The following CDK17 variants were observed in gnomAD, a reference collection of about 807,000 sequenced individuals.
CDK17 encodes the protein cyclin dependent kinase 17.
Under a neutral mutation model 77.6 loss-of-function variants are expected in CDK17, and 24 were observed. That is an observed-to-expected ratio of 0.31 (90% CI 0.22 to 0.44). CDK17 has a LOEUF of 0.44. Ranked by LOEUF, CDK17 falls within the 20% of genes least tolerant of loss-of-function variation. CDK17 has a pLI of 1.00. For synonymous variants in CDK17, 203 were observed against 210.4 expected, an observed-to-expected ratio of 0.96 and a Z score of 0.30; for missense variants, 429 against 622.5, an observed-to-expected ratio of 0.69 and a Z score of 3.31.
intron 1 of CDK17, among the ~76,000 whole-genome samples, chr12:96,373,517 C>G (rs1286593689): frequency 6.6e-6 from 1 of 152,016 alleles, no homozygotes; most frequent in East Asian, 1.9e-4. Context: ...TCACTTTGAA[C>G]CTGGGAGGCA....
At chr12:96,349,535 CAAAA>C (rs34417608) in intron 1 of CDK17, among the ~76,000 whole-genome samples, 8 of 106,078 alleles carry the variant, frequency 7.5e-5, no homozygotes, top group Admixed American at 9.1e-5. Flanking sequence ...ATTGATTTAG[CAAAA>C]AAAAAAAAAA....
intron 1 of CDK17, among the ~76,000 whole-genome samples, chr12:96,346,621 T>C (rs1051825790): frequency 2.3e-5 from 3 of 130,698 alleles, no homozygotes; most frequent in Non-Finnish European, 4.9e-5. Context: ...AGAGCAAAAC[T>C]CCACTAAAAA....
chr12:96,346,886 G>A (rs1462000485), intron 1 of CDK17, among the ~76,000 whole-genome samples: 2 of 151,818 alleles, frequency 1.3e-5, no homozygotes, highest in East Asian at 3.9e-4. Flanking sequence ...CCGCACTCCA[G>A]CCTGGTGAGG....
chr12:96,392,176 A>G (rs979795296), intron 1 of CDK17, among the ~76,000 whole-genome samples: 9 of 152,372 alleles, frequency 5.9e-5, no homozygotes, highest in Admixed American at 3.9e-4. Context: ...CAGAACCACC[A>G]TAACTGTCAG....
In CDK17 at chr12:96,308,027, A is replaced by G. The variant is rs375102292; in HGVS notation, c.543+3025T>C. Among the ~76,000 whole-genome samples the G allele has an allele frequency of 1.6e-4, 24 of 152,274 alleles. No individual in the cohort carries two copies. In the South Asian group the frequency reaches 3.9e-3, roughly 25 times the overall value. ...ACAATGTGCTCATGGTATATACAGC[A>G]TAAAGTGATTTTATTTTTTAGAGTA... is the stretch of plus-strand genomic sequence containing the variant. On this transcript the variant is annotated intron_variant, in intron 5 of 16. Coordinates refer to ENST00000261211, the MANE Select transcript of CDK17 (RefSeq NM_002595.5).
chr12:96,399,751 C>A (rs1954228603), intron 1 of CDK17, among the ~76,000 whole-genome samples: 2 of 152,134 alleles, frequency 1.3e-5, no homozygotes, highest in South Asian at 4.1e-4. Flanking sequence ...GACACTCACA[C>A]CCCACCCGAG....
At chr12:96,324,541 C>T (rs1303583461) in intron 2 of CDK17, among the ~76,000 whole-genome samples, 2 of 152,004 alleles carry the variant, frequency 1.3e-5, no homozygotes, top group Non-Finnish European at 2.9e-5. Context: ...CCGAGGCAGG[C>T]GGATCACCTG....
intron 2 of CDK17, among the ~76,000 whole-genome samples, chr12:96,326,743 C>T (rs752405955): frequency 6.6e-6 from 1 of 152,152 alleles, no homozygotes; most frequent in Non-Finnish European, 1.5e-5. Flanking sequence ...CCAGGGATCA[C>T]ACTTTGAGAA....
chr12:96,342,044 A>T (rs948942767), intron 1 of CDK17, among the ~76,000 whole-genome samples: 2 of 152,226 alleles, frequency 1.3e-5, no homozygotes, highest in African/African-American at 4.8e-5. Flanking sequence ...CACGTAGAAC[A>T]AATCAAGTAT....
At chr12:96,378,393 G>A (rs1953822558) in intron 1 of CDK17, among the ~76,000 whole-genome samples, 1 of 152,108 alleles carries the variant, frequency 6.6e-6, no homozygotes, top group Non-Finnish European at 1.5e-5. Flanking sequence ...ACTCATTCGT[G>A]TTTTTGTTTG....
chr12:96,361,411 T>C (rs1229873645), intron 1 of CDK17, among the ~76,000 whole-genome samples: 1 of 152,178 alleles, frequency 6.6e-6, no homozygotes, highest in Non-Finnish European at 1.5e-5. Context: ...AACAGGAAAC[T>C]AGTTACAAAA....
intron 1 of CDK17, among the ~76,000 whole-genome samples, chr12:96,396,732 ATAAAG>A (rs1954175326): frequency 6.6e-6 from 1 of 152,212 alleles, no homozygotes; most frequent in Admixed American, 6.5e-5. Context: ...CAATATAGCA[ATAAAG>A]TAATTATCCA....
intron 1 of CDK17, among the ~76,000 whole-genome samples, chr12:96,339,120 G>C (rs2137150760): frequency 6.6e-6 from 1 of 152,086 alleles, no homozygotes; most frequent in South Asian, 2.1e-4. Flanking sequence ...CTATTGTTCT[G>C]GATGACAAAT....
At chr12:96,352,416 T>C (rs1265323508) in intron 1 of CDK17, among the ~76,000 whole-genome samples, 3 of 150,426 alleles carry the variant, frequency 2.0e-5, no homozygotes, top group Non-Finnish European at 4.4e-5. Context: ...ATGTCCCAGC[T>C]GCTCCAAATG....
At chr12:96,393,290 G>A (rs964765256) in intron 1 of CDK17, among the ~76,000 whole-genome samples, 4 of 148,036 alleles carry the variant, frequency 2.7e-5, no homozygotes, top group Admixed American at 6.8e-5. Context: ...GCTTGAACCC[G>A]GGAGGTGGAG....
intron 10 of CDK17, among the ~76,000 whole-genome samples, chr12:96,291,721 C>A (rs930477868): frequency 1.3e-4 from 20 of 148,966 alleles, no homozygotes; most frequent in African/African-American, 4.9e-4. Context: ...CGGGTTCAAG[C>A]AATTCTCCTG....
intron 1 of CDK17, among the ~76,000 whole-genome samples, chr12:96,355,158 C>T (rs1157168468): frequency 6.6e-6 from 1 of 152,054 alleles, no homozygotes; most frequent in Admixed American, 6.6e-5. Flanking sequence ...TGCCATTCTG[C>T]TCCTACCCAT....
At chr12:96,286,222 T>C in intron 12 of CDK17, 74 bp from the exon 13 acceptor site, 2 of 339,152 alleles carry the variant, frequency 5.9e-6, no homozygotes, top group Non-Finnish European at 9.9e-6. Flanking sequence ...TATACACATA[T>C]ATATAACAAA....
At chr12:96,369,751 C>T (rs981800377) in intron 1 of CDK17, among the ~76,000 whole-genome samples, 1 of 152,054 alleles carries the variant, frequency 6.6e-6, no homozygotes, top group Non-Finnish European at 1.5e-5. Flanking sequence ...TGGGCTCCAG[C>T]CTGGGCGAGA....
Sources: allele counts gnomAD v4.1 joint callset (sites outside exome capture counted in the v4.1 genomes callset), GRCh38; gene constraint gnomAD v4.1.1; transcripts MANE v1.5; gene names NCBI Gene and HGNC (gene_info 2026-07-23, HGNC 2026-07-21).